The following BIRC6 variants were observed in gnomAD, a reference collection of about 807,000 sequenced individuals.
BIRC6 encodes the protein dual E2 ubiquitin-conjugating enzyme/E3 ubiquitin-protein ligase BIRC6.
In BIRC6, 98 loss-of-function variants were observed where a neutral mutation model predicts 503.3. That is an observed-to-expected ratio of 0.19 (90% confidence interval 0.17 to 0.23). The LOEUF (loss-of-function observed/expected upper bound fraction) is 0.23. BIRC6 is among the 10% of genes least tolerant of loss of function. The pLI is 1.00. For synonymous variants in BIRC6, 2,240 were observed against 2,078.7 expected, an observed-to-expected ratio of 1.08 and a Z score of -2.11; for missense variants, 5,360 against 5,806.0, an observed-to-expected ratio of 0.92 and a Z score of 2.50.
At chr2:32,412,822 G>A (rs1014557654) in intron 9 of BIRC6, among the ~76,000 whole-genome samples, 6 of 152,172 alleles carry the variant, frequency 3.9e-5, no homozygotes, top group South Asian at 2.1e-4. Flanking sequence ...TTTGCATAGC[G>A]CATAAATGAC....
At chr2:32,480,193 G>T (rs539642813) in intron 37 of BIRC6, among the ~76,000 whole-genome samples, 13 of 152,084 alleles carry the variant, frequency 8.5e-5, no homozygotes, top group Admixed American at 2.6e-4. Context: ...GATTTCCTGT[G>T]TGCACGATGA....
chr2:32,579,476 C>A (rs914717907), intron 66 of BIRC6, among the ~76,000 whole-genome samples: 1 of 152,060 alleles, frequency 6.6e-6, no homozygotes, highest in Non-Finnish European at 1.5e-5. Context: ...TCACTTGAAG[C>A]CGGGAGTTCA....
At position 32,525,421 on chromosome 2, in the gene BIRC6, A is replaced by G. The variant is rs372769442; in HGVS notation, c.11756-43A>G. ...TAGGAACACTGTTTTCCTTCATATT[A>G]GTGTGTTGACTATGTAGAATCTTAC... On this transcript the variant is annotated intron_variant, in intron 58 of 73. Coordinates refer to ENST00000421745, the MANE Select transcript of BIRC6 (RefSeq NM_016252.4). 61 of 1,598,642 alleles carry G rather than the reference A, an allele frequency of 3.8e-5. No homozygotes were observed. The African/African-American group carries it at 7.6e-4, about 20-fold the overall frequency.
At chr2:32,369,727 G>A (rs529384920) in intron 1 of BIRC6, among the ~76,000 whole-genome samples, 4 of 150,812 alleles carry the variant, frequency 2.7e-5, no homozygotes, top group Non-Finnish European at 5.9e-5. Flanking sequence ...CTCGCCCGGC[G>A]CCATTGATTT....
chr2:32,508,231 C>G lies in BIRC6; in HGVS notation c.9952C>G (p.Pro3318Ala). The change falls in exon 51 of 74, where the codon CCA becomes GCA. Residue 3318 changes from proline to alanine, a missense_variant. Around this residue, in one of 16 missense-constraint regions of BIRC6, gnomAD observed 62 missense variants for 107.4 expected, o/e 0.58. Transcript: ENST00000421745. ...TGCAACAGTTAATAATCCATTCCTT[C>G]CATCTGAAGATCAGGTATCCAAAAC... ...SSATVNNPFL[P>A]SEDQVSKTSI... 1 of 1,598,150 alleles carries G rather than the reference C, an allele frequency of 6.3e-7. No homozygotes were observed. The highest frequency in any genetic ancestry group is 8.5e-7 in the Non-Finnish European group (1 of 1,173,644).
At chr2:32,442,911 C>T (rs1212142891) in intron 19 of BIRC6, among the ~76,000 whole-genome samples, 2 of 152,248 alleles carry the variant, frequency 1.3e-5, no homozygotes, top group East Asian at 3.9e-4. Flanking sequence ...CAAGACCCCT[C>T]CCCTCCCCAG....
At chr2:32,468,386 C>T in intron 28 of BIRC6, 51 bp from the exon 29 acceptor site, 2 of 1,386,964 alleles carry the variant, frequency 1.4e-6, no homozygotes, top group Non-Finnish European at 9.9e-7. Flanking sequence ...TGTACATGTA[C>T]ATAAAGAGGA....
chr2:32,474,421 G>C (rs902922834), intron 33 of BIRC6, among the ~76,000 whole-genome samples: 3 of 152,120 alleles, frequency 2.0e-5, no homozygotes, highest in African/African-American at 7.2e-5. Context: ...GTGTGTCTCT[G>C]AGTGAATATT....
At chr2:32,553,259 T>C (rs2058559828) in intron 65 of BIRC6, among the ~76,000 whole-genome samples, 1 of 111,092 alleles carries the variant, frequency 9.0e-6, no homozygotes, top group Non-Finnish European at 1.8e-5. Flanking sequence ...ATTTCATCTT[T>C]TTGAATTTAC....
At chr2:32,440,354 T>TG (rs2045272059) in intron 16 of BIRC6, among the ~76,000 whole-genome samples, 1 of 152,224 alleles carries the variant, frequency 6.6e-6, no homozygotes, top group Non-Finnish European at 1.5e-5. Flanking sequence ...GGTGACTATT[T>TG]GGGAGTATAC....
chr2:32,436,093 C>T lies in BIRC6; in HGVS notation c.3540C>T (p.Asp1180=), dbSNP rs773511436. ...CATTTTTGGAGGATCATAAAGAAGA[C>T]ATTCTATGTGGGCCAGTATGGCTTG... ...LCPFLEDHKE[D]ILCGPVWLAS... Residue 1180 remains aspartate, a synonymous_variant, in exon 15 of 74, where the codon GAC becomes GAT. Transcript: ENST00000421745. The T allele has an allele frequency of 6.8e-7, 1 of 1,469,944 alleles. No individual in the cohort carries two copies. The highest frequency in any genetic ancestry group is 9.1e-7 in the Non-Finnish European group (1 of 1,094,548). 91.1% of individuals were successfully genotyped at this position (1,469,944 alleles called of 1,614,324 possible). A position where few individuals can be genotyped will look rare whatever the true frequency, so the allele number is the denominator to read the frequency against.
At chr2:32,476,492 T>G (rs2049780679) in intron 34 of BIRC6, 148 bp downstream of exon 34, 2 of 680,308 alleles carry the variant, frequency 2.9e-6, no homozygotes, top group Non-Finnish European at 4.7e-6. Context: ...GTAGTTTAAC[T>G]GAAGGAAATG....
intron 57 of BIRC6, among the ~76,000 whole-genome samples, chr2:32,519,577 A>G (rs892516630): frequency 6.6e-6 from 1 of 152,064 alleles, no homozygotes; most frequent in African/African-American, 2.4e-5. Flanking sequence ...GTGCAGTGGA[A>G]CGATCTTGGC....
chr2:32,399,969 AT>A (rs1298746236), intron 6 of BIRC6, among the ~76,000 whole-genome samples: 2 of 151,496 alleles, frequency 1.3e-5, no homozygotes, highest in Non-Finnish European at 1.5e-5. Flanking sequence ...TTTTATTTTT[AT>A]TTTTTGTAGC....
intron 1 of BIRC6, among the ~76,000 whole-genome samples, chr2:32,360,063 T>C (rs1038512018): frequency 6.6e-6 from 1 of 152,218 alleles, no homozygotes; most frequent in Non-Finnish European, 1.5e-5. Context: ...GTAGCGATCA[T>C]GGTCCTAACA....
chr2:32,391,301 A>G (rs957198023), intron 4 of BIRC6, among the ~76,000 whole-genome samples: 1 of 152,154 alleles, frequency 6.6e-6, no homozygotes, highest in African/African-American at 2.4e-5. Context: ...TCAATCTAGG[A>G]GCCTCTGAAG....
Position 32,597,952 on chromosome 2 carries a change from G to T in BIRC6, c.13814G>T (p.Arg4605Leu). ...GTGTTTGTACGCTGTGATGAGGAGC[G>T]ACTTGATATCATGAAGGTAAAAAAT... ...SSVFVRCDEE[R>L]LDIMKVLITG... The change falls in exon 69 of 74, where the codon CGA becomes CTA. Residue 4605 changes from arginine to leucine, a missense_variant. Physicochemically the swap from Arg to Leu is moderately radical, Grantham distance 102 (BLOSUM62 -2). This residue lies in a region of BIRC6 where 66 missense variants were observed against 113.2 expected (regional missense o/e 0.58). Transcript: ENST00000421745. The T allele has an allele frequency of 1.2e-6, 2 of 1,611,774 alleles. No individual in the cohort carries two copies. Among genetic ancestry groups the T allele is most frequent in the East Asian group, 2.2e-5 (1 of 44,860 alleles).
At chr2:32,420,841 C>G (rs1471932087) in intron 10 of BIRC6, among the ~76,000 whole-genome samples, 1 of 151,458 alleles carries the variant, frequency 6.6e-6, no homozygotes. Flanking sequence ...TTTGTAGACT[C>G]TTTAGGGATG....
chr2:32,588,974 A>G (rs888279067), intron 66 of BIRC6, among the ~76,000 whole-genome samples: 4 of 152,182 alleles, frequency 2.6e-5, no homozygotes, highest in Non-Finnish European at 2.9e-5. Context: ...AAATATAGCC[A>G]TAGTAGTTTT....
Sources: gnomAD v4.1 joint callset for allele counts (sites outside exome capture counted in the v4.1 genomes callset) on GRCh38, gnomAD v4.1.1 for gene constraint, gnomAD v4.1.1 regional missense constraint, MANE v1.5 for transcripts, NCBI Gene and HGNC (gene_info 2026-07-23, HGNC 2026-07-21) for gene names.